The following MECOM variants were observed in gnomAD, a reference collection of about 807,000 sequenced individuals.
MECOM encodes the protein MDS1 and EVI1 complex locus, also known as histone-lysine N-methyltransferase MECOM.
Under a neutral mutation model 116.3 loss-of-function variants are expected in MECOM, and 13 were observed. The ratio of observed to expected loss-of-function variants is 0.11; its 90% CI spans 0.07 to 0.18. The LOEUF is 0.18. MECOM is among the 10% of genes least tolerant of loss of function. MECOM has a pLI of 1.00. For synonymous variants in MECOM, 528 were observed against 535.2 expected (o/e 0.99, Z 0.19); for missense variants, 1,299 against 1,509.0 (o/e 0.86, Z 2.31).
At chr3:169,377,344 C>G (rs1731214776) in intron 2 of MECOM, among the ~76,000 whole-genome samples, 1 of 150,362 alleles carries the variant, frequency 6.7e-6, no homozygotes, top group South Asian at 2.1e-4. Context: ...AATTAAAGAG[C>G]TTCTGCACAG....
chr3:169,242,860 T>TTC (rs1285202726), intron 2 of MECOM, among the ~76,000 whole-genome samples: 2 of 151,952 alleles, frequency 1.3e-5, no homozygotes, highest in African/African-American at 2.4e-5. Context: ...GCTTGCTTTT[T>TTC]TTTTTTTTTC....
intron 1 of MECOM, among the ~76,000 whole-genome samples, chr3:169,567,881 G>T (rs972324189): frequency 6.6e-6 from 1 of 152,154 alleles, no homozygotes; most frequent in African/African-American, 2.4e-5. Flanking sequence ...AATCAAAAGA[G>T]ACAATTAGAA....
chr3:169,561,389 A>G, intron 1 of MECOM, among the ~76,000 whole-genome samples: 1 of 152,230 alleles, frequency 6.6e-6, no homozygotes, highest in East Asian at 1.9e-4. Context: ...ATATGATGAA[A>G]TATTATAAAG....
intron 1 of MECOM, among the ~76,000 whole-genome samples, chr3:169,508,112 A>T (rs1481415011): frequency 6.6e-6 from 1 of 152,228 alleles, no homozygotes. Context: ...AATAGGTCAT[A>T]GTTGTACCTA....
chr3:169,592,814 T>TACAGAC (rs1293389928), intron 1 of MECOM, among the ~76,000 whole-genome samples: 1 of 151,654 alleles, frequency 6.6e-6, no homozygotes, highest in Admixed American at 6.6e-5. Context: ...TGTATTACAT[T>TACAGAC]ACAGACACAC....
At chr3:169,208,465 A>G (rs1388723755) in intron 2 of MECOM, among the ~76,000 whole-genome samples, 1 of 151,964 alleles carries the variant, frequency 6.6e-6, no homozygotes, top group African/African-American at 2.4e-5. Flanking sequence ...CAGTCAAGTT[A>G]CTAGTAAAGG....
At chr3:169,629,527 A>G (rs1771816594) in intron 1 of MECOM, among the ~76,000 whole-genome samples, 1 of 152,214 alleles carries the variant, frequency 6.6e-6, no homozygotes, top group Non-Finnish European at 1.5e-5. Context: ...TAGTAAACTA[A>G]TAACAACTCT....
chr3:169,524,126 C>G (rs1255183559), intron 1 of MECOM, among the ~76,000 whole-genome samples: 2 of 150,110 alleles, frequency 1.3e-5, no homozygotes, highest in Non-Finnish European at 3.0e-5. Context: ...GGCATCTTAT[C>G]CCTGAACCTA....
chr3:169,492,681 G>T (rs1415199597), intron 1 of MECOM, among the ~76,000 whole-genome samples: 1 of 151,992 alleles, frequency 6.6e-6, no homozygotes, highest in African/African-American at 2.4e-5. Context: ...CTCATATTAG[G>T]CCCGGCATGG....
intron 1 of MECOM, among the ~76,000 whole-genome samples, chr3:169,657,958 C>G (rs570204160): frequency 6.6e-6 from 1 of 152,212 alleles, no homozygotes; most frequent in African/African-American, 2.4e-5. Flanking sequence ...CACTATTTCT[C>G]CCTTCCTGTC....
At chr3:169,426,440 C>A (rs1259680660) in intron 1 of MECOM, among the ~76,000 whole-genome samples, 2 of 152,154 alleles carry the variant, frequency 1.3e-5, no homozygotes, top group Non-Finnish European at 2.9e-5. Context: ...ACCTCTGATG[C>A]TCAGGCATGT....
intron 1 of MECOM, among the ~76,000 whole-genome samples, chr3:169,468,461 A>G (rs1472469306): frequency 2.6e-5 from 4 of 152,164 alleles, no homozygotes; most frequent in African/African-American, 4.8e-5. Flanking sequence ...TTAAAATGTA[A>G]GCTCTGTGTA....
intron 1 of MECOM, among the ~76,000 whole-genome samples, chr3:169,590,474 CA>C (rs1311291539): frequency 2.0e-5 from 3 of 152,160 alleles, no homozygotes; most frequent in Non-Finnish European, 2.9e-5. Context: ...AAATGGTTGT[CA>C]GAGGCCAATT....
At chr3:169,340,275 T>C (rs1724278533) in intron 2 of MECOM, among the ~76,000 whole-genome samples, 1 of 152,172 alleles carries the variant, frequency 6.6e-6, no homozygotes, top group Non-Finnish European at 1.5e-5. Flanking sequence ...CATAGGAGCC[T>C]TATCTACGGG....
At chr3:169,637,458 C>T (rs946883376) in intron 1 of MECOM, among the ~76,000 whole-genome samples, 1 of 152,174 alleles carries the variant, frequency 6.6e-6, no homozygotes, top group Non-Finnish European at 1.5e-5. Flanking sequence ...TATTCTAGGC[C>T]TGGAAATGCC....
intron 1 of MECOM, among the ~76,000 whole-genome samples, chr3:169,598,935 C>G (rs768419070): frequency 2.8e-4 from 43 of 152,062 alleles, no homozygotes; most frequent in Admixed American, 6.5e-5. Flanking sequence ...AGACTGTGAC[C>G]TTAATGAATA....
intron 2 of MECOM, among the ~76,000 whole-genome samples, chr3:169,193,191 T>G (rs1747944470): frequency 6.6e-6 from 1 of 152,030 alleles, no homozygotes; most frequent in Admixed American, 6.6e-5. Context: ...GTTTAAGAAA[T>G]CAATTGTCTA....
chr3:169,499,457 A>G (rs968828725), intron 1 of MECOM, among the ~76,000 whole-genome samples: 3 of 151,774 alleles, frequency 2.0e-5, no homozygotes, highest in African/African-American at 7.3e-5. Context: ...TCAAAGTTCC[A>G]AGGCAAAATA....
intron 4 of MECOM, among the ~76,000 whole-genome samples, chr3:169,130,211 T>C (rs1209895139): frequency 6.6e-6 from 1 of 152,178 alleles, no homozygotes; most frequent in Non-Finnish European, 1.5e-5. Flanking sequence ...TAATATTAAA[T>C]AAAAATAATT....
Sources: gnomAD v4.1 joint callset for allele counts (sites outside exome capture counted in the v4.1 genomes callset) on GRCh38, gnomAD v4.1.1 for gene constraint, MANE v1.5 for transcripts, NCBI Gene and HGNC (gene_info 2026-07-23, HGNC 2026-07-21) for gene names.